Variants in SPOCK3 observed in about 807,000 individuals in gnomAD.
SPOCK3 encodes the protein SPARC (osteonectin), cwcv and kazal like domains proteoglycan 3.
A neutral mutation model predicts 56.6 loss-of-function variants in SPOCK3; 30 were observed. The ratio of observed to expected loss-of-function variants is 0.53; its 90% CI spans 0.40 to 0.72. The LOEUF (loss-of-function observed/expected upper bound fraction) is 0.72. Ranked by LOEUF, SPOCK3 falls within the 30% of genes least tolerant of loss-of-function variation. The pLI, the probability that SPOCK3 is intolerant of heterozygous loss-of-function variation, is 0.00. For synonymous variants in SPOCK3, 196 were observed against 183.3 expected (o/e 1.07, Z -0.56); for missense variants, 527 against 530.0 (o/e 0.99, Z 0.06).
chr4:166,900,608 CT>C (rs1414072801), intron 5 of SPOCK3, among the ~76,000 whole-genome samples: 1 of 152,140 alleles, frequency 6.6e-6, no homozygotes, highest in East Asian at 1.9e-4. Flanking sequence ...AGTTGGCAGC[CT>C]GTCCAAAGGA....
chr4:167,187,245 T>C (rs1410249350), intron 2 of SPOCK3, among the ~76,000 whole-genome samples: 1 of 151,478 alleles, frequency 6.6e-6, no homozygotes. Context: ...TGCCTCTTGT[T>C]TCTAGAAGCA....
intron 2 of SPOCK3, among the ~76,000 whole-genome samples, chr4:167,168,191 C>G (rs1730170798): frequency 6.6e-6 from 1 of 152,090 alleles, no homozygotes; most frequent in Non-Finnish European, 1.5e-5. Context: ...GGAGAAAGAA[C>G]TTAATACAGT....
intron 6 of SPOCK3, among the ~76,000 whole-genome samples, chr4:166,870,042 CA>C (rs1732292742): frequency 6.6e-6 from 1 of 152,044 alleles, no homozygotes. Context: ...AAGTTCTCCA[CA>C]TGACCCTGGA....
At chr4:167,107,216 C>T (rs1328781006) in intron 2 of SPOCK3, among the ~76,000 whole-genome samples, 3 of 151,890 alleles carry the variant, frequency 2.0e-5, no homozygotes, top group Non-Finnish European at 4.4e-5. Context: ...AAACTACAAG[C>T]CAATATTCCT....
intron 4 of SPOCK3, among the ~76,000 whole-genome samples, chr4:166,960,365 G>A (rs1744011871): frequency 6.6e-6 from 1 of 152,072 alleles, no homozygotes. Context: ...TATAGAAGAA[G>A]GAGAAATAAC....
At chr4:166,966,469 T>G (rs1744747451) in intron 4 of SPOCK3, among the ~76,000 whole-genome samples, 1 of 152,208 alleles carries the variant, frequency 6.6e-6, no homozygotes, top group Admixed American at 6.5e-5. Flanking sequence ...TGCAGCAGAA[T>G]GTTTTTATGC....
chr4:166,948,230 A>C (rs1742030979), intron 4 of SPOCK3, among the ~76,000 whole-genome samples: 1 of 152,088 alleles, frequency 6.6e-6, no homozygotes, highest in Admixed American at 6.6e-5. Context: ...TTGTGCATAT[A>C]TACCACATTT....
chr4:167,134,724 A>T (rs1336435665), intron 2 of SPOCK3, among the ~76,000 whole-genome samples: 1 of 152,182 alleles, frequency 6.6e-6, no homozygotes, highest in East Asian at 1.9e-4. Context: ...ATTACTCAGA[A>T]TATTCTATTA....
intron 3 of SPOCK3, among the ~76,000 whole-genome samples, chr4:167,059,930 C>G (rs1052655095): frequency 1.3e-5 from 2 of 151,300 alleles, no homozygotes; most frequent in Non-Finnish European, 2.9e-5. Flanking sequence ...CATATTCTCA[C>G]TCATAGGTGG....
At chr4:167,137,774 G>A (rs1333461552) in intron 2 of SPOCK3, among the ~76,000 whole-genome samples, 2 of 151,582 alleles carry the variant, frequency 1.3e-5, no homozygotes, top group Non-Finnish European at 3.0e-5. Flanking sequence ...AAAATACTTG[G>A]GCTTAAGTAT....
chr4:166,740,493 C>CTTA (rs71604445), intron 9 of SPOCK3, among the ~76,000 whole-genome samples: 6,111 of 135,266 alleles, frequency 0.045, 164 homozygotes, highest in Non-Finnish European at 0.045. Context: ...TATATAAGAA[C>CTTA]TTATTATTAT....
chr4:166,754,377 T>C (rs1040105177), intron 8 of SPOCK3, 131 bp downstream of exon 8: 144 of 1,400,206 alleles, frequency 1.0e-4, no homozygotes, highest in Non-Finnish European at 1.3e-4. Context: ...TTTGCTCTTT[T>C]ATTCAACACT....
chr4:166,995,584 CCTAT>C (rs776463423), intron 4 of SPOCK3, among the ~76,000 whole-genome samples: 16 of 151,938 alleles, frequency 1.1e-4, no homozygotes, highest in East Asian at 9.7e-4. Flanking sequence ...TATCTATCTA[CCTAT>C]CTATCTAACT....
At chr4:167,151,859 G>A (rs961679962) in intron 2 of SPOCK3, among the ~76,000 whole-genome samples, 8 of 152,122 alleles carry the variant, frequency 5.3e-5, no homozygotes, top group Admixed American at 5.2e-4. Context: ...GTCATATTCA[G>A]CAGCTGTATG....
chr4:167,222,702 T>G (rs1470970550), intron 2 of SPOCK3, among the ~76,000 whole-genome samples: 1 of 133,738 alleles, frequency 7.5e-6, no homozygotes, highest in Admixed American at 7.9e-5. Context: ...TATAAACATA[T>G]AAACATAGAT....
intron 4 of SPOCK3, among the ~76,000 whole-genome samples, chr4:166,955,739 C>A (rs1255885132): frequency 1.3e-5 from 2 of 150,442 alleles, no homozygotes; most frequent in Non-Finnish European, 3.0e-5. Context: ...TTATTTCTTT[C>A]TTGCTCTAAT....
intron 7 of SPOCK3, among the ~76,000 whole-genome samples, chr4:166,766,228 A>T (rs899847705): frequency 2.8e-4 from 43 of 152,306 alleles, no homozygotes; most frequent in African/African-American, 9.6e-4. Flanking sequence ...CACTATGTTG[A>T]ATAGGAGTGG....
At chr4:166,880,344 C>T (rs1414603216) in intron 6 of SPOCK3, among the ~76,000 whole-genome samples, 1 of 152,140 alleles carries the variant, frequency 6.6e-6, no homozygotes, top group African/African-American at 2.4e-5. Context: ...TCCTGTTTCT[C>T]CTTAAGTCCT....
chr4:166,823,062 G>A (rs771826284), intron 6 of SPOCK3, among the ~76,000 whole-genome samples: 1 of 152,058 alleles, frequency 6.6e-6, no homozygotes, highest in Non-Finnish European at 1.5e-5. Context: ...CTTCCCAAGA[G>A]TTCACATTAT....
Sources: gnomAD v4.1 joint callset for allele counts (sites outside exome capture counted in the v4.1 genomes callset) on GRCh38, gnomAD v4.1.1 for gene constraint, MANE v1.5 for transcripts, NCBI Gene and HGNC (gene_info 2026-07-23, HGNC 2026-07-21) for gene names.